The following PAPOLG variants were observed in gnomAD, a reference collection of about 807,000 sequenced individuals.
PAPOLG encodes the protein poly(A) polymerase gamma.
Under a neutral mutation model 99.0 loss-of-function variants are expected in PAPOLG, and 40 were observed. The ratio of observed to expected loss-of-function variants is 0.40; its 90% CI spans 0.31 to 0.53. The LOEUF is 0.53. Among genes scored for constraint, PAPOLG ranks in the 20% least tolerant of loss-of-function variants. The probability of loss-of-function intolerance (pLI) is 0.41; values close to 1 mark genes in which losing one functional copy is unlikely to be tolerated. For missense variants in PAPOLG, 675 were observed against 884.1 expected, an observed-to-expected ratio of 0.76 and a Z score of 3.00; for synonymous variants, 310 against 299.3, an observed-to-expected ratio of 1.04 and a Z score of -0.37.
At chr2:60,780,909 C>T (rs1671168670) in intron 10 of PAPOLG, 130 bp downstream of exon 10, 1 of 704,246 alleles carries the variant, frequency 1.4e-6, no homozygotes, top group Admixed American at 2.7e-5. Flanking sequence ...CCCCTTCCTC[C>T]TTCTGCTGTG....
At chr2:60,792,373 C>A in intron 17 of PAPOLG, 84 bp downstream of exon 17, 1 of 1,241,162 alleles carries the variant, frequency 8.1e-7, no homozygotes, top group Non-Finnish European at 1.1e-6. Context: ...ACCTCTGCTA[C>A]TGCCTTTTAA....
intron 5 of PAPOLG, among the ~76,000 whole-genome samples, chr2:60,770,189 A>C (rs1670808194): frequency 6.6e-6 from 1 of 152,226 alleles, no homozygotes; most frequent in Admixed American, 6.5e-5. Flanking sequence ...TGTAACAGGC[A>C]TTTTGTGTAT....
intron 3 of PAPOLG, among the ~76,000 whole-genome samples, chr2:60,766,490 C>A (rs905582302): frequency 2.6e-5 from 4 of 151,906 alleles, no homozygotes; most frequent in African/African-American, 9.7e-5. Flanking sequence ...AAAGCAAGAC[C>A]CCATCTTTAC....
intron 7 of PAPOLG, among the ~76,000 whole-genome samples, chr2:60,774,473 C>T (rs548283474): frequency 6.6e-6 from 1 of 151,804 alleles, no homozygotes; most frequent in African/African-American, 2.4e-5. Context: ...TCAAGCGATT[C>T]TCCTGCCTCA....
intron 9 of PAPOLG, 46 bp downstream of exon 9, chr2:60,779,821 A>G: frequency 6.7e-6 from 10 of 1,497,374 alleles, no homozygotes; most frequent in South Asian, 1.2e-5. Flanking sequence ...ATCTCTACCT[A>G]TGCGTAAGTT....
At chr2:60,776,142 G>T (rs1457806544) in intron 8 of PAPOLG, among the ~76,000 whole-genome samples, 1 of 152,220 alleles carries the variant, frequency 6.6e-6, no homozygotes, top group African/African-American at 2.4e-5. Context: ...TGTATTAGCA[G>T]ACATGAAAGT....
chr2:60,787,565 T>C lies in PAPOLG; in HGVS notation c.1341T>C (p.Asn447=), dbSNP rs1401925231. ...FLGIIFRRVE[N]AESVNIDLTY... Reference sequence around the variant, plus strand: ...GGATAATTTTTCGGAGAGTAGAAAATGCAGAAAGTGTCAACATAGACTTGA... The same window carrying C: ...GGATAATTTTTCGGAGAGTAGAAAACGCAGAAAGTGTCAACATAGACTTGA... Residue 447 remains asparagine, a synonymous_variant, in exon 15 of 22, where the codon AAT becomes AAC. Transcript: ENST00000238714. 6.2e-7 allele frequency: 1 copy of C among 1,614,004 alleles called. No homozygotes were observed. Among genetic ancestry groups the C allele is most frequent in the Non-Finnish European group, 8.5e-7 (1 of 1,180,016 alleles).
At chr2:60,775,698 C>T (rs1037006670) in intron 8 of PAPOLG, among the ~76,000 whole-genome samples, 2 of 151,922 alleles carry the variant, frequency 1.3e-5, no homozygotes, top group Non-Finnish European at 2.9e-5. Context: ...TGCAGTAAAG[C>T]AAATTACAAT....
At chr2:60,782,045 A>G (rs367631896) in intron 11 of PAPOLG, 40 bp downstream of exon 11, 100 of 1,591,256 alleles carry the variant, frequency 6.3e-5, no homozygotes, top group East Asian at 1.3e-4. Flanking sequence ...TATTCCCACA[A>G]GTTTTTGGTT....
At chr2:60,794,852 T>C (rs1241395474) in intron 20 of PAPOLG, 77 bp downstream of exon 20, 3 of 1,539,054 alleles carry the variant, frequency 1.9e-6, no homozygotes, top group South Asian at 1.1e-5. Flanking sequence ...TATTAGAAAG[T>C]AGGTCAGATT....
rs900854393 is a variant in PAPOLG at position 60,768,905 on chromosome 2, G to A, written c.438+15G>A. ...GAAACTTAAGAGTAAGTATCCTCTGGCATTTAATATTTTGAATTTAGATTA... is the reference window on the plus strand; with the variant it reads ...GAAACTTAAGAGTAAGTATCCTCTGACATTTAATATTTTGAATTTAGATTA... On this transcript the variant is annotated intron_variant, in intron 5 of 21. Transcript: ENST00000238714. The A allele has an allele frequency of 2.6e-6, 4 of 1,528,844 alleles. No homozygotes were observed. Among genetic ancestry groups the A allele is most frequent in the East Asian group, 4.6e-5 (2 of 43,556 alleles). 94.7% of individuals were successfully genotyped at this position (1,528,844 alleles called of 1,614,324 possible). A position where few individuals can be genotyped will look rare whatever the true frequency, so the allele number is the denominator to read the frequency against.
chr2:60,777,273 T>C (rs1671048848), intron 8 of PAPOLG, among the ~76,000 whole-genome samples: 1 of 152,014 alleles, frequency 6.6e-6, no homozygotes, highest in Non-Finnish European at 1.5e-5. Context: ...CTGACCAACA[T>C]AGTGAAACCC....
Position 60,756,339 on chromosome 2 carries a change from C to A in PAPOLG, c.-140C>A. ...GGTGTTTTCACTACTCGGTTGGATG[C>A]CTCAGCCATAGTAAGTGGGAAAGTG... On this transcript the variant is annotated 5_prime_UTR_variant, in exon 1 of 22. Transcript: ENST00000238714. 1 of 1,028,140 alleles carries A rather than the reference C, an allele frequency of 9.7e-7. No homozygotes were observed. The highest frequency in any genetic ancestry group is 1.5e-6 in the Non-Finnish European group (1 of 658,276). The allele number at this position is 1,028,140 out of a possible 1,614,324, so 63.7% of individuals were successfully genotyped here.
chr2:60,783,123 T>C (rs1558703815), intron 12 of PAPOLG, 33 bp from the exon 13 acceptor site: 1 of 1,527,210 alleles, frequency 6.5e-7, no homozygotes, highest in Non-Finnish European at 8.8e-7. Context: ...TTTTTCTGGC[T>C]TTTTTTCCTG....
intron 3 of PAPOLG, among the ~76,000 whole-genome samples, chr2:60,766,046 A>T (rs577863368): frequency 6.6e-6 from 1 of 152,264 alleles, no homozygotes; most frequent in African/African-American, 2.4e-5. Context: ...ATTAACAAGG[A>T]TAATATCCTA....
At position 60,797,526 on chromosome 2, in the gene PAPOLG, G is replaced by GTTT. The variant is rs766458681; in HGVS notation, c.*369_*371dup. On this transcript the variant is annotated 3_prime_UTR_variant, in exon 22 of 22. Coordinates refer to ENST00000238714, the MANE Select transcript of PAPOLG (RefSeq NM_022894.4). ...ACTCCTTTTTTGTTTTGTTTTTTGTGTTTTTCTTTTTTTGTCTTATGTTGT... is the reference window on the plus strand; with the variant it reads ...ACTCCTTTTTTGTTTTGTTTTTTGTGTTTTTTTTCTTTTTTTGTCTTATGTTGT... 335 of 169,920 alleles carry GTTT rather than the reference G, an allele frequency of 2.0e-3. 1 individual carries two copies. Among genetic ancestry groups the GTTT allele is most frequent in the South Asian group, 3.3e-3 (19 of 5,836 alleles). 10.5% of individuals were successfully genotyped at this position (169,920 alleles called of 1,614,324 possible).
intron 8 of PAPOLG, chr2:60,779,422 A>G (rs1671124276): frequency 6.3e-6 from 3 of 477,288 alleles, no homozygotes; most frequent in South Asian, 4.4e-5. Flanking sequence ...TTAGCAATTT[A>G]TGGTTTACTA....
At chr2:60,794,688 T>A in intron 19 of PAPOLG, 22 bp from the exon 20 acceptor site, 2 of 1,597,728 alleles carry the variant, frequency 1.3e-6, no homozygotes, top group South Asian at 2.2e-5. Context: ...AATAGCAATC[T>A]ATTTCAATGT....
At chr2:60,771,450 T>G in intron 6 of PAPOLG, 69 bp from the exon 7 acceptor site, 1 of 1,473,430 alleles carries the variant, frequency 6.8e-7, no homozygotes, top group Non-Finnish European at 9.0e-7. Context: ...CATTTTTTGG[T>G]GGGATGGGAG....
Sources: gnomAD v4.1 joint callset for allele counts (sites outside exome capture counted in the v4.1 genomes callset) on GRCh38, gnomAD v4.1.1 for gene constraint, MANE v1.5 for transcripts, NCBI Gene and HGNC (gene_info 2026-07-23, HGNC 2026-07-21) for gene names.